The following FRMPD4 variants were observed in gnomAD, a reference collection of about 807,000 sequenced individuals.
FRMPD4 encodes the protein FERM and PDZ domain containing 4.
FRMPD4 carries 22 observed loss-of-function variants against 94.1 expected under a neutral mutation model. The observed-to-expected ratio is 0.23, with a 90% CI of 0.17 to 0.33. FRMPD4 has a LOEUF of 0.33. Among genes scored for constraint, FRMPD4 ranks in the 10% least tolerant of loss-of-function variants. FRMPD4 has a pLI of 1.00. For missense variants in FRMPD4, 1,111 were observed against 1,339.9 expected, an observed-to-expected ratio of 0.83 and a Z score of 2.67; for synonymous variants, 631 against 548.6, an observed-to-expected ratio of 1.15 and a Z score of -2.10.
intron 1 of FRMPD4, among the ~76,000 whole-genome samples, chrX:12,212,120 C>A (rs1462235561): frequency 9.0e-6 from 1 of 110,546 alleles, no homozygotes. Context: ...TGTAAAAGGC[C>A]AAACAGTAAA....
intron 2 of FRMPD4, among the ~76,000 whole-genome samples, chrX:12,608,842 A>G (rs2059154013): frequency 8.9e-6 from 1 of 111,972 alleles, no homozygotes; most frequent in Non-Finnish European, 1.9e-5. Context: ...GTATAGAGCA[A>G]AACAACAAAA....
intron 3 of FRMPD4, among the ~76,000 whole-genome samples, chrX:12,060,891 G>C (rs2054882020): frequency 8.9e-6 from 1 of 112,021 alleles, no homozygotes; most frequent in Non-Finnish European, 1.9e-5. Context: ...TTTAGGAATA[G>C]TAACAATTTA....
chrX:12,093,617 A>T (rs1398392610), intron 3 of FRMPD4, among the ~76,000 whole-genome samples: 1 of 110,420 alleles, frequency 9.1e-6, no homozygotes, highest in Non-Finnish European at 1.9e-5. Context: ...AAAAAAAAAA[A>T]AGTCTTGCTG....
chrX:12,307,439 C>T (rs1008831081), intron 1 of FRMPD4, among the ~76,000 whole-genome samples: 7 of 112,178 alleles, frequency 6.2e-5, no homozygotes, highest in African/African-American at 2.3e-4. Flanking sequence ...ATCATTGCTC[C>T]ATGTAACAAC....
chrX:12,196,784 T>C (rs183445655), intron 1 of FRMPD4, among the ~76,000 whole-genome samples: 6 of 110,153 alleles, frequency 5.4e-5, no homozygotes, highest in South Asian at 3.8e-4. Flanking sequence ...CAGGTAAGGA[T>C]AGAGGACAAA....
At chrX:12,540,741 T>G (rs1342659237) in intron 2 of FRMPD4, among the ~76,000 whole-genome samples, 1 of 111,924 alleles carries the variant, frequency 8.9e-6, no homozygotes, top group African/African-American at 3.3e-5. Flanking sequence ...CAAGTGGGCC[T>G]AATAGACATC....
rs768156001 is a variant in FRMPD4, at chrX:12,718,621, C to T, written c.3795C>T (p.Ala1265=). ...GVNYIPSEER[A]PGLPNHGATF... ...ATTACATTCCTTCAGAGGAGAGAGC[C>T]CCTGGGCTTCCCAACCACGGAGCCA... The change falls in exon 16 of 17, where the codon GCC becomes GCT. Residue 1265 remains alanine (A), a synonymous_variant. Coordinates refer to ENST00000675598, the MANE Select transcript of FRMPD4 (RefSeq NM_001368397.1). The T allele has an allele frequency of 2.5e-6, 3 of 1,210,294 alleles. No homozygotes were observed. The highest frequency in any genetic ancestry group is 4.6e-4 in the Middle Eastern group (2 of 4,350).
chrX:12,694,062 C>T (rs1008734119), intron 8 of FRMPD4, among the ~76,000 whole-genome samples: 28 of 111,379 alleles, frequency 2.5e-4, no homozygotes, highest in African/African-American at 8.8e-4. Context: ...TCTTTCCTGA[C>T]CTGCTTCCCC....
At chrX:12,419,282 G>A (rs1392615263) in intron 1 of FRMPD4, among the ~76,000 whole-genome samples, 1 of 111,366 alleles carries the variant, frequency 9.0e-6, no homozygotes. Context: ...GTCTCCTATA[G>A]TACTGCAACA....
chrX:11,950,040 C>T (rs1253062256), intron 3 of FRMPD4, among the ~76,000 whole-genome samples: 1 of 111,746 alleles, frequency 8.9e-6, no homozygotes, highest in Admixed American at 9.5e-5. Flanking sequence ...GAATTGTAAT[C>T]CCCATAATCC....
rs990465172 is a variant in FRMPD4, at chrX:11,885,062, A to G, written c.95+7044A>G. ...AAAAGAATTGAAAGCAGGATATCAA[A>G]GAGATATCTGTACAGCCATATTTAC... On this transcript the variant is annotated intron_variant, in intron 3 of 18. Coordinates refer to the FRMPD4 transcript ENST00000640291. Among the ~76,000 whole-genome samples the G allele has an allele frequency of 4.5e-5, 5 of 112,234 alleles. No individual in the cohort carries two copies. In the Admixed American group the frequency reaches 4.8e-4, roughly 11 times the overall value.
At chrX:11,950,470 A>G (rs201589100) in intron 3 of FRMPD4, among the ~76,000 whole-genome samples, 48 of 111,706 alleles carry the variant, frequency 4.3e-4, no homozygotes, top group East Asian at 1.4e-3. Context: ...ACAACACAGT[A>G]TTATTAATTA....
intron 3 of FRMPD4, among the ~76,000 whole-genome samples, chrX:12,095,237 A>G (rs7049405): frequency 0.051 from 5,605 of 109,818 alleles, 374 homozygotes; most frequent in African/African-American, 0.18. Context: ...AATTAGCTGG[A>G]CATGGTGGTA....
chrX:12,417,271 T>A (rs746318486), intron 1 of FRMPD4, among the ~76,000 whole-genome samples: 1 of 111,587 alleles, frequency 9.0e-6, no homozygotes, highest in African/African-American at 3.2e-5. Flanking sequence ...GAAGCACACA[T>A]ATTTCTATAT....
At chrX:12,599,690 G>A (rs2059066725) in intron 2 of FRMPD4, among the ~76,000 whole-genome samples, 1 of 111,797 alleles carries the variant, frequency 8.9e-6, no homozygotes, top group Admixed American at 9.5e-5. Context: ...TGATATCAAT[G>A]ACTCTGTCCA....
intron 2 of FRMPD4, among the ~76,000 whole-genome samples, chrX:12,539,017 G>C (rs150449075): frequency 2.7e-5 from 3 of 111,725 alleles, no homozygotes; most frequent in South Asian, 7.5e-4. Flanking sequence ...CAAACCCATC[G>C]CAAAGAAGCT....
At chrX:12,507,917 C>T (rs918616488) in intron 2 of FRMPD4, among the ~76,000 whole-genome samples, 7 of 111,908 alleles carry the variant, frequency 6.3e-5, no homozygotes, top group African/African-American at 2.3e-4. Flanking sequence ...TGCTCTCCCA[C>T]TCTAACCAGC....
At chrX:11,913,656 ATATAT>A (rs1234381455) in intron 3 of FRMPD4, among the ~76,000 whole-genome samples, 4 of 111,502 alleles carry the variant, frequency 3.6e-5, no homozygotes, top group African/African-American at 9.8e-5. Context: ...AAAATTCCAA[ATATAT>A]TATATATGTT....
chrX:12,231,335 G>C (rs2057005648), intron 1 of FRMPD4, among the ~76,000 whole-genome samples: 1 of 107,965 alleles, frequency 9.3e-6, no homozygotes, highest in Non-Finnish European at 1.9e-5. Context: ...GATTAATTTA[G>C]TGTCAGCCTC....
Sources: allele counts gnomAD v4.1 joint callset (sites outside exome capture counted in the v4.1 genomes callset), GRCh38; gene constraint gnomAD v4.1.1; transcripts MANE v1.5; gene names NCBI Gene and HGNC (gene_info 2026-07-23, HGNC 2026-07-21).